Variants in CPNE4 observed in about 807,000 individuals in gnomAD.
The protein encoded by CPNE4 is copine 4.
A neutral mutation model predicts 67.9 loss-of-function variants in CPNE4; 25 were observed. The observed-to-expected ratio is 0.37, with a 90% CI of 0.27 to 0.51. The LOEUF (loss-of-function observed/expected upper bound fraction) is 0.51. Among genes scored for constraint, CPNE4 ranks in the 20% least tolerant of loss-of-function variants. The pLI is 0.93. For synonymous variants in CPNE4, 242 were observed against 244.9 expected (o/e 0.99, Z 0.11); for missense variants, 464 against 690.8 (o/e 0.67, Z 3.68).
At chr3:132,031,524 A>G (rs906168617) in intron 1 of CPNE4, among the ~76,000 whole-genome samples, 2 of 152,206 alleles carry the variant, frequency 1.3e-5, no homozygotes, top group Non-Finnish European at 1.5e-5. Flanking sequence ...TGATATCATC[A>G]GAGTACCTGT....
At chr3:131,937,751 T>C (rs1473341996) in intron 1 of CPNE4, among the ~76,000 whole-genome samples, 1 of 152,128 alleles carries the variant, frequency 6.6e-6, no homozygotes, top group Non-Finnish European at 1.5e-5. Flanking sequence ...TGCTAATTTC[T>C]CATATAAAGC....
At chr3:131,955,410 G>GTTTTTTTTTTTTTTTTTTTTTTGTTTT (rs2071921311) in intron 1 of CPNE4, among the ~76,000 whole-genome samples, 1 of 42,270 alleles carries the variant, frequency 2.4e-5, no homozygotes, top group African/African-American at 9.2e-5. Flanking sequence ...TGTATGTAAG[G>GTTTTTTTTTTTTTTTTTTTTTTGTTTT]TTTTTTTTTT....
intron 14 of CPNE4, among the ~76,000 whole-genome samples, chr3:131,546,192 C>T (rs1392116800): frequency 6.6e-6 from 1 of 152,164 alleles, no homozygotes; most frequent in Non-Finnish European, 1.5e-5. Context: ...AAGAGATTGT[C>T]AGGATTCTGG....
chr3:131,665,289 C>A (rs989962138), intron 7 of CPNE4, among the ~76,000 whole-genome samples: 1 of 152,086 alleles, frequency 6.6e-6, no homozygotes, highest in African/African-American at 2.4e-5. Flanking sequence ...TCTACCTCCA[C>A]TGCCATCTAT....
intron 2 of CPNE4, among the ~76,000 whole-genome samples, chr3:131,743,822 G>A (rs913560062): frequency 6.6e-6 from 1 of 151,314 alleles, no homozygotes; most frequent in Non-Finnish European, 1.5e-5. Flanking sequence ...AATTAGCCGG[G>A]CGTGGTAGCG....
At chr3:131,766,924 T>C (rs1324350799) in intron 2 of CPNE4, among the ~76,000 whole-genome samples, 7 of 152,138 alleles carry the variant, frequency 4.6e-5, no homozygotes, top group African/African-American at 1.7e-4. Context: ...GCAATGCTGC[T>C]GTAAACTCAA....
At chr3:131,745,192 A>T (rs896896820) in intron 2 of CPNE4, among the ~76,000 whole-genome samples, 5 of 152,136 alleles carry the variant, frequency 3.3e-5, no homozygotes, top group African/African-American at 4.8e-5. Context: ...TAATGATGTC[A>T]AACACCTTTT....
chr3:131,815,695 G>C (rs2084710024), intron 2 of CPNE4, among the ~76,000 whole-genome samples: 2 of 152,216 alleles, frequency 1.3e-5, no homozygotes, highest in African/African-American at 4.8e-5. Flanking sequence ...AGCAAACCAA[G>C]AGGATGGTGG....
chr3:131,601,431 T>C (rs1056997216), intron 7 of CPNE4, among the ~76,000 whole-genome samples: 1 of 151,948 alleles, frequency 6.6e-6, no homozygotes, highest in Non-Finnish European at 1.5e-5. Context: ...GCAGTGGAGG[T>C]GGCAAAAATG....
intron 2 of CPNE4, among the ~76,000 whole-genome samples, chr3:131,890,926 T>C (rs541588420): frequency 6.6e-6 from 1 of 152,202 alleles, no homozygotes; most frequent in African/African-American, 2.4e-5. Flanking sequence ...AAAAGAATGA[T>C]GGATACCCAG....
chr3:131,887,070 G>A (rs1028822204), intron 2 of CPNE4, among the ~76,000 whole-genome samples: 8 of 152,256 alleles, frequency 5.3e-5, no homozygotes, highest in African/African-American at 1.4e-4. Flanking sequence ...GTTTGGCTCC[G>A]TGTCCCCACC....
intron 1 of CPNE4, among the ~76,000 whole-genome samples, chr3:131,978,991 G>T (rs546773377): frequency 6.6e-6 from 1 of 152,140 alleles, no homozygotes; most frequent in South Asian, 2.1e-4. Context: ...CCAAGTATTT[G>T]CATGGTTTTG....
intron 2 of CPNE4, among the ~76,000 whole-genome samples, chr3:131,780,779 T>A (rs2083414399): frequency 6.6e-6 from 1 of 151,954 alleles, no homozygotes; most frequent in Non-Finnish European, 1.5e-5. Context: ...CAAACCCCCA[T>A]GACATGTGAT....
At chr3:131,973,493 T>A (rs190505072) in intron 1 of CPNE4, among the ~76,000 whole-genome samples, 4 of 152,338 alleles carry the variant, frequency 2.6e-5, no homozygotes, top group South Asian at 4.1e-4. Flanking sequence ...ATTGATTAAC[T>A]TATTCTTCAG....
chr3:131,910,050 C>A (rs1324290114), intron 1 of CPNE4, among the ~76,000 whole-genome samples: 1 of 152,020 alleles, frequency 6.6e-6, no homozygotes, highest in Non-Finnish European at 1.5e-5. Context: ...GGTTGGACTG[C>A]AGGAGAGAAA....
At chr3:131,770,287 C>A (rs187258426) in intron 2 of CPNE4, among the ~76,000 whole-genome samples, 1 of 152,326 alleles carries the variant, frequency 6.6e-6, no homozygotes, top group Admixed American at 6.5e-5. Context: ...GACAGACACC[C>A]CTTCTGAGAA....
chr3:131,826,272 C>T (rs1444225139), intron 2 of CPNE4, among the ~76,000 whole-genome samples: 1 of 152,076 alleles, frequency 6.6e-6, no homozygotes, highest in Non-Finnish European at 1.5e-5. Flanking sequence ...TGGCTCACTG[C>T]ATCCCCTCCA....
intron 5 of CPNE4, among the ~76,000 whole-genome samples, chr3:131,694,990 A>G (rs2081117339): frequency 6.6e-6 from 1 of 152,194 alleles, no homozygotes. Context: ...AGAAAACCAG[A>G]GCAGTAGTGT....
chr3:131,695,426 C>A (rs2081129531), intron 5 of CPNE4, among the ~76,000 whole-genome samples: 1 of 150,202 alleles, frequency 6.7e-6, no homozygotes, highest in African/African-American at 2.5e-5. Flanking sequence ...CCAAGCCCGC[C>A]CCCTTTTACT....
Sources: allele counts gnomAD v4.1 joint callset (sites outside exome capture counted in the v4.1 genomes callset), GRCh38; gene constraint gnomAD v4.1.1; transcripts MANE v1.5; gene names NCBI Gene and HGNC (gene_info 2026-07-23, HGNC 2026-07-21).